SCAPER: variants seen among roughly 807,000 people sequenced by gnomAD.
SCAPER encodes the protein S-phase cyclin A associated protein in the ER, also known as S phase cyclin A-associated protein in the endoplasmic reticulum.
In SCAPER, 98 loss-of-function variants were observed where a neutral mutation model predicts 182.2. The observed-to-expected ratio is 0.54, with a 90% confidence interval of 0.46 to 0.64. The LOEUF (loss-of-function observed/expected upper bound fraction) is 0.64, where lower values mean the gene tolerates loss of function less well. SCAPER is among the 30% of genes least tolerant of loss of function. The pLI, the probability that SCAPER is intolerant of heterozygous loss-of-function variation, is 0.00. For missense variants in SCAPER, 1,432 were observed against 1,690.0 expected (o/e 0.85, Z 2.68); for synonymous variants, 605 against 564.6 (o/e 1.07, Z -1.01).
chr15:76,810,822 A>T (rs760965752), intron 5 of SCAPER, among the ~76,000 whole-genome samples: 5 of 152,200 alleles, frequency 3.3e-5, no homozygotes, highest in South Asian at 4.1e-4. Context: ...ACACAAAGAG[A>T]CAAAGTGAAA....
intron 25 of SCAPER, among the ~76,000 whole-genome samples, chr15:76,451,707 G>A (rs970566006): frequency 6.6e-5 from 10 of 152,144 alleles, no homozygotes; most frequent in Non-Finnish European, 1.2e-4. Flanking sequence ...AAAACCCCAA[G>A]AGGAGTGGGA....
chr15:76,439,129 A>G lies in SCAPER; in HGVS notation c.3079-4819T>C, dbSNP rs1197943395. On this transcript the variant is annotated intron_variant, in intron 25 of 31. Transcript: ENST00000563290. Reference sequence around the variant, plus strand: ...AAGATAGAGTCTTGCTCTGTCACCCAGGCTAGTGTGCAGTGGTGCAATCTC... The same window carrying G: ...AAGATAGAGTCTTGCTCTGTCACCCGGGCTAGTGTGCAGTGGTGCAATCTC... 8.6e-5 allele frequency among the ~76,000 whole-genome samples: 13 copies of G among 152,046 alleles called. No homozygotes were observed. The East Asian group carries it at 2.3e-3, about 27-fold the overall frequency.
intron 8 of SCAPER, among the ~76,000 whole-genome samples, chr15:76,789,165 ATC>A (rs111236147): frequency 1.3e-5 from 2 of 152,290 alleles, no homozygotes; most frequent in African/African-American, 4.8e-5. Flanking sequence ...TTCAATTTTC[ATC>A]TGTTTAATGT....
chr15:76,426,411 G>T (rs1397810490), intron 26 of SCAPER, among the ~76,000 whole-genome samples: 6 of 152,178 alleles, frequency 3.9e-5, no homozygotes, highest in Non-Finnish European at 8.8e-5. Context: ...TCTGAGCCAG[G>T]TGCGGGATAT....
intron 26 of SCAPER, among the ~76,000 whole-genome samples, chr15:76,416,020 TAAGATG>T (rs2045620284): frequency 6.6e-6 from 1 of 152,146 alleles, no homozygotes; most frequent in Admixed American, 6.5e-5. Context: ...TTTGCAATAT[TAAGATG>T]AAGGGTTAAT....
At chr15:76,806,876 A>G (rs1217044226) in intron 5 of SCAPER, among the ~76,000 whole-genome samples, 2 of 152,166 alleles carry the variant, frequency 1.3e-5, no homozygotes, top group Non-Finnish European at 2.9e-5. Flanking sequence ...CTCCTAGTGT[A>G]TAAAAATACA....
At chr15:76,645,205 G>A (rs966734287) in intron 21 of SCAPER, among the ~76,000 whole-genome samples, 1 of 152,022 alleles carries the variant, frequency 6.6e-6, no homozygotes, top group Non-Finnish European at 1.5e-5. Context: ...TTTCATCAGG[G>A]ACTTGAACAT....
intron 22 of SCAPER, among the ~76,000 whole-genome samples, chr15:76,591,065 T>C (rs1170300472): frequency 6.6e-6 from 1 of 152,172 alleles, no homozygotes; most frequent in Non-Finnish European, 1.5e-5. Context: ...TGAGAATGAC[T>C]TAATGGGTAT....
intron 21 of SCAPER, among the ~76,000 whole-genome samples, chr15:76,645,942 T>C (rs2054510048): frequency 6.6e-6 from 1 of 152,190 alleles, no homozygotes; most frequent in South Asian, 2.1e-4. Flanking sequence ...AAAACTTATG[T>C]CTTTCCCTGC....
chr15:76,687,192 T>G (rs2058079979), intron 20 of SCAPER, among the ~76,000 whole-genome samples: 1 of 151,998 alleles, frequency 6.6e-6, no homozygotes, highest in Non-Finnish European at 1.5e-5. Flanking sequence ...AGTAAAGGAT[T>G]TAAATGAACA....
intron 5 of SCAPER, among the ~76,000 whole-genome samples, chr15:76,813,909 C>CTT (rs2066866828): frequency 6.6e-6 from 1 of 152,020 alleles, no homozygotes; most frequent in Non-Finnish European, 1.5e-5. Context: ...CGCTCACACC[C>CTT]GTAATCCTAG....
chr15:76,487,745 C>T (rs2051799451), intron 24 of SCAPER, among the ~76,000 whole-genome samples: 1 of 152,064 alleles, frequency 6.6e-6, no homozygotes, highest in Non-Finnish European at 1.5e-5. Context: ...GTTTTAATCT[C>T]CTGCAATTCT....
chr15:76,431,139 C>G (rs2046833866), intron 26 of SCAPER, among the ~76,000 whole-genome samples: 2 of 127,936 alleles, frequency 1.6e-5, no homozygotes, highest in Admixed American at 1.6e-4. Flanking sequence ...CTCTTTTTTT[C>G]TCAGCCTTGG....
intron 24 of SCAPER, among the ~76,000 whole-genome samples, chr15:76,490,429 T>C (rs756644142): frequency 3.3e-4 from 51 of 152,326 alleles, no homozygotes; most frequent in Middle Eastern, 3.4e-3. Context: ...GCCATTTGTA[T>C]GTCTTCTTTG....
chr15:76,747,380 T>G (rs918699907), intron 15 of SCAPER, among the ~76,000 whole-genome samples: 1 of 151,918 alleles, frequency 6.6e-6, no homozygotes. Flanking sequence ...CGTGCACCAG[T>G]AGTCCCAGCT....
intron 23 of SCAPER, among the ~76,000 whole-genome samples, chr15:76,519,711 G>A (rs1314456123): frequency 6.6e-6 from 1 of 152,080 alleles, no homozygotes; most frequent in Non-Finnish European, 1.5e-5. Context: ...ATATAACAGG[G>A]CTAATACTTC....
At chr15:76,763,615 C>T (rs1328348648) in intron 14 of SCAPER, among the ~76,000 whole-genome samples, 1 of 152,076 alleles carries the variant, frequency 6.6e-6, no homozygotes, top group African/African-American at 2.4e-5. Context: ...CATTCAATGA[C>T]AGTGTCCCAT....
intron 28 of SCAPER, chr15:76,379,686 T>A (rs904110350): frequency 6.6e-6 from 1 of 152,150 alleles, no homozygotes; most frequent in Non-Finnish European, 1.5e-5. Context: ...TCTTTTTGAT[T>A]TTTTTCTTTT....
chr15:76,656,295 G>C (rs182851988), intron 21 of SCAPER, among the ~76,000 whole-genome samples: 1 of 152,028 alleles, frequency 6.6e-6, no homozygotes, highest in African/African-American at 2.4e-5. Context: ...CAACAAACCA[G>C]ACAAAGAAGA....
Sources: allele counts gnomAD v4.1 joint callset (sites outside exome capture counted in the v4.1 genomes callset), GRCh38; gene constraint gnomAD v4.1.1; transcripts MANE v1.5; gene names NCBI Gene and HGNC (gene_info 2026-07-23, HGNC 2026-07-21).